The following ZFAND1 variants were observed in gnomAD, a reference collection of about 807,000 sequenced individuals.
ZFAND1 encodes AN1-type zinc finger protein 1.
Under a neutral mutation model 38.5 loss-of-function variants are expected in ZFAND1, and 40 were observed. The ratio of observed to expected loss-of-function variants is 1.04; its 90% CI spans 0.81 to 1.35. The LOEUF is 1.35. Ranked by LOEUF, ZFAND1 falls within the 40% of genes most tolerant of loss-of-function variation. ZFAND1 has a pLI of 0.00. For missense variants in ZFAND1, 346 were observed against 316.3 expected, an observed-to-expected ratio of 1.09 and a Z score of -0.71; for synonymous variants, 117 against 103.6, an observed-to-expected ratio of 1.13 and a Z score of -0.78.
intron 6 of ZFAND1, among the ~76,000 whole-genome samples, chr8:81,706,370 CAAAAAAAAAAAA>C (rs35031788): frequency 1.1e-4 from 8 of 72,674 alleles, no homozygotes; most frequent in Admixed American, 8.3e-4. Context: ...GAAGGAGAAA[CAAAAAAAAAAAA>C]AAAAAAAAAA....
intron 6 of ZFAND1, among the ~76,000 whole-genome samples, chr8:81,708,233 A>G (rs1808037737): frequency 6.7e-6 from 1 of 148,488 alleles, no homozygotes; most frequent in Non-Finnish European, 1.5e-5. Context: ...CTGGGCAACA[A>G]CAGCAAAGCT....
intron 6 of ZFAND1, among the ~76,000 whole-genome samples, chr8:81,704,538 C>CAAAAAAAAAAAAAAAAAAA (rs58216047): frequency 9.5e-6 from 1 of 105,336 alleles, no homozygotes; most frequent in African/African-American, 3.6e-5. Flanking sequence ...GACCCTATTT[C>CAAAAAAAAAAAAAAAAAAA]AAAAAAAAAA....
Position 81,713,900 on chromosome 8 carries a change from A to G in ZFAND1, c.480+18T>C. On this transcript the variant is annotated intron_variant, in intron 6 of 7. Coordinates refer to ENST00000220669, the MANE Select transcript of ZFAND1 (RefSeq NM_024699.3). ...TATATTTGAAATTTTTGTGTTTTAA[A>G]AAATCTCTAAGACCAACCTGTGGTA... 1.2e-6 allele frequency: 2 copies of G among 1,611,568 alleles called. No individual in the cohort carries two copies. The highest frequency in any genetic ancestry group is 1.7e-6 in the Non-Finnish European group (2 of 1,179,314).
rs1014742089 is a variant in ZFAND1 at position 81,701,691 on chromosome 8, A to T, written c.*1004T>A. 2 of 152,256 alleles carry T rather than the reference A, an allele frequency of 1.3e-5. No individual in the cohort carries two copies. The highest frequency in any genetic ancestry group is 4.8e-5 in the African/African-American group (2 of 41,472). The allele number at this position is 152,256 out of a possible 1,614,324, so 9.4% of individuals were successfully genotyped here. A position where few individuals can be genotyped will look rare whatever the true frequency, so the allele number is the denominator to read the frequency against. On this transcript the variant is annotated 3_prime_UTR_variant, in exon 8 of 8. Transcript: ENST00000220669. ...TATCTCCATTCCTCACATAAAAATA[A>T]TATGAAGAATTAGAAAGGAAATAAA...
intron 6 of ZFAND1, among the ~76,000 whole-genome samples, chr8:81,704,814 G>A (rs1807925096): frequency 2.0e-5 from 3 of 152,170 alleles, no homozygotes; most frequent in East Asian, 1.9e-4. Context: ...TACAGGTAAC[G>A]AGTATTAAAA....
intron 6 of ZFAND1, among the ~76,000 whole-genome samples, chr8:81,707,306 C>T (rs886243286): frequency 8.5e-5 from 13 of 152,182 alleles, no homozygotes; most frequent in African/African-American, 3.1e-4. Flanking sequence ...GGCAAAGGGG[C>T]CTTCAAATAA....
At chr8:81,721,206 G>A in intron 1 of ZFAND1, 21 bp downstream of exon 1, 2 of 1,546,810 alleles carry the variant, frequency 1.3e-6, no homozygotes, top group Non-Finnish European at 1.7e-6. Context: ...CGGGGATGGG[G>A]GCTGGAAGCT....
At chr8:81,710,457 A>G (rs2130409820) in intron 6 of ZFAND1, among the ~76,000 whole-genome samples, 1 of 152,344 alleles carries the variant, frequency 6.6e-6, no homozygotes, top group South Asian at 2.1e-4. Context: ...ACAAAAGGAA[A>G]GAGAAAGAGT....
chr8:81,703,248 T>C (rs2130381659), intron 6 of ZFAND1, 124 bp from the exon 7 acceptor site: 1 of 608,902 alleles, frequency 1.6e-6, no homozygotes, highest in East Asian at 3.1e-5. Flanking sequence ...TATCTGCTAC[T>C]TGGAATACCA....
intron 6 of ZFAND1, among the ~76,000 whole-genome samples, chr8:81,713,572 T>G (rs1226313257): frequency 6.6e-6 from 1 of 152,112 alleles, no homozygotes; most frequent in Non-Finnish European, 1.5e-5. Context: ...GAGAAACTCT[T>G]CTACATATAC....
At chr8:81,707,173 C>A (rs1808007629) in intron 6 of ZFAND1, among the ~76,000 whole-genome samples, 1 of 152,186 alleles carries the variant, frequency 6.6e-6, no homozygotes. Context: ...CTTCATAGAA[C>A]CCACTCAGGT....
chr8:81,708,712 C>T (rs1808051662), intron 6 of ZFAND1: 9 of 1,057,714 alleles, frequency 8.5e-6, no homozygotes, highest in South Asian at 2.5e-5. Context: ...TACTGGAAAC[C>T]ATGGAGAAAA....
intron 6 of ZFAND1, among the ~76,000 whole-genome samples, chr8:81,703,959 A>T (rs1367122308): frequency 1.3e-5 from 2 of 152,218 alleles, no homozygotes; most frequent in Non-Finnish European, 2.9e-5. Context: ...TATGAGGAAA[A>T]AAGTTTGTTT....
intron 1 of ZFAND1, 164 bp downstream of exon 1, chr8:81,721,063 C>T (rs1340397612): frequency 1.7e-6 from 1 of 602,616 alleles, no homozygotes; most frequent in Non-Finnish European, 2.9e-6. Context: ...AAAAAACCCG[C>T]ACCAACCGAT....
chr8:81,704,952 CT>C (rs5892768), intron 6 of ZFAND1, among the ~76,000 whole-genome samples: 44,504 of 150,660 alleles, frequency 0.3, 7,248 homozygotes, highest in East Asian at 0.8. Flanking sequence ...ATAGCCTTAT[CT>C]TTTTTTTTTA....
chr8:81,708,250 A>G (rs1585922176), intron 6 of ZFAND1, among the ~76,000 whole-genome samples: 3 of 145,474 alleles, frequency 2.1e-5, no homozygotes, highest in Admixed American at 6.8e-5. Context: ...AGCTCCATCA[A>G]AAAAAAAAAA....
rs1195970027 is a variant in ZFAND1, at chr8:81,703,032, C to T, written c.573G>A (p.Lys191=). ...CTAGAGAAGCGGCAAAGTCTATGGC[C>T]TTTCCAATGCTCCATCGGTGGCAAA... is the stretch of plus-strand genomic sequence containing the variant. ...MFFCHRWSIG[K]AIDFAASLAR... Residue 191 remains lysine (K), a synonymous_variant, in exon 7 of 8, where the codon AAG becomes AAA. Coordinates refer to ENST00000220669, the MANE Select transcript of ZFAND1 (RefSeq NM_024699.3). 1.3e-6 allele frequency: 2 copies of T among 1,580,420 alleles called. No individual in the cohort carries two copies. Among genetic ancestry groups the T allele is most frequent in the Non-Finnish European group, 1.7e-6 (2 of 1,159,482 alleles).
chr8:81,704,339 C>T (rs2130385440), intron 6 of ZFAND1, among the ~76,000 whole-genome samples: 1 of 152,100 alleles, frequency 6.6e-6, no homozygotes, highest in African/African-American at 2.4e-5. Flanking sequence ...GAGTTCAAGA[C>T]CAGCCTGGGC....
Position 81,703,100 on chromosome 8 carries a change from A to C in ZFAND1, c.505T>G (p.Phe169Val). Residue 169 changes from phenylalanine to valine, a missense_variant, in exon 7 of 8, where the codon TTC (phenylalanine) becomes GTC (valine). By Grantham distance (50) the Phe-to-Val change is conservative. Transcript: ENST00000220669. ...PQTERIYFQV[F>V]LPKGSKEKSK... ...TTCTCTTTGCTCCCTTTAGGTAAGA[A>C]AACCTGAAAGTAAATTCTTTCTGTC... 1 of 1,527,500 alleles carries C rather than the reference A, an allele frequency of 6.5e-7. No individual in the cohort carries two copies. The highest frequency in any genetic ancestry group is 8.8e-7 in the Non-Finnish European group (1 of 1,133,270). The allele number at this position is 1,527,500 out of a possible 1,614,324, so 94.6% of individuals were successfully genotyped here.
Sources: allele counts gnomAD v4.1 joint callset (sites outside exome capture counted in the v4.1 genomes callset), GRCh38; gene constraint gnomAD v4.1.1; transcripts MANE v1.5; gene names NCBI Gene and HGNC (gene_info 2026-07-23, HGNC 2026-07-21).